MEGF9: variants seen among roughly 807,000 people sequenced by gnomAD.
MEGF9 encodes multiple epidermal growth factor-like domains protein 9.
In MEGF9, 6 loss-of-function variants were observed where a neutral mutation model predicts 46.8. That is an observed-to-expected ratio of 0.13 (90% CI 0.07 to 0.25). The LOEUF is 0.25. Ranked by LOEUF, MEGF9 falls within the 10% of genes least tolerant of loss-of-function variation. The probability of loss-of-function intolerance (pLI) is 1.00; values close to 1 mark genes in which losing one functional copy is unlikely to be tolerated. For synonymous variants in MEGF9, 302 were observed against 330.7 expected, an observed-to-expected ratio of 0.91 and a Z score of 0.94; for missense variants, 683 against 792.4, an observed-to-expected ratio of 0.86 and a Z score of 1.66.
rs115483550 is a variant in MEGF9 at position 120,696,228 on chromosome 9, G to T, written c.601+17530C>A. 2.2e-3 allele frequency among the ~76,000 whole-genome samples: 339 copies of T among 152,296 alleles called. 1 individual carries two copies. The highest frequency in any genetic ancestry group is 7.6e-3 in the African/African-American group (315 of 41,564). ...TTCAATCCTGATTGAATCAATAAAT[G>T]ATTTCTGTTGCTTAGAATTAAGACC... On this transcript the variant is annotated intron_variant, in intron 1 of 5. Coordinates refer to ENST00000373930, the MANE Select transcript of MEGF9 (RefSeq NM_001080497.3).
intron 2 of MEGF9, among the ~76,000 whole-genome samples, chr9:120,641,971 C>G (rs1029646631): frequency 6.6e-6 from 1 of 152,148 alleles, no homozygotes; most frequent in African/African-American, 2.4e-5. Flanking sequence ...TTCTCAATGC[C>G]TGGCTCCTGG....
intron 2 of MEGF9, among the ~76,000 whole-genome samples, chr9:120,648,203 A>G (rs1202540699): frequency 6.6e-6 from 1 of 151,844 alleles, no homozygotes; most frequent in Non-Finnish European, 1.5e-5. Flanking sequence ...ATATTCTTCA[A>G]TGGATAAACG....
intron 1 of MEGF9, among the ~76,000 whole-genome samples, chr9:120,694,954 G>A (rs1177897494): frequency 1.3e-5 from 2 of 151,118 alleles, no homozygotes; most frequent in African/African-American, 4.9e-5. Flanking sequence ...TACTATTTAG[G>A]GGTATTCACT....
intron 1 of MEGF9, among the ~76,000 whole-genome samples, chr9:120,660,755 G>A (rs1036311091): frequency 2.6e-5 from 4 of 152,208 alleles, no homozygotes; most frequent in African/African-American, 7.2e-5. Context: ...AGCAGTAACA[G>A]AGGACTTTGT....
intron 2 of MEGF9, among the ~76,000 whole-genome samples, chr9:120,634,430 C>T (rs1477290173): frequency 6.9e-6 from 1 of 144,566 alleles, no homozygotes; most frequent in Non-Finnish European, 1.5e-5. Flanking sequence ...TTTTGGTTTC[C>T]ATATGTGTGG....
intron 3 of MEGF9, among the ~76,000 whole-genome samples, chr9:120,617,599 A>G (rs956626306): frequency 1.3e-5 from 2 of 152,232 alleles, no homozygotes; most frequent in African/African-American, 4.8e-5. Flanking sequence ...AGGGATGAGA[A>G]GCCATTGGAG....
At chr9:120,711,293 C>T (rs2043951813) in intron 1 of MEGF9, among the ~76,000 whole-genome samples, 1 of 152,090 alleles carries the variant, frequency 6.6e-6, no homozygotes, top group Non-Finnish European at 1.5e-5. Context: ...CTGGAAAATG[C>T]AACTATTAAA....
At chr9:120,651,487 T>C (rs898790507) in intron 2 of MEGF9, among the ~76,000 whole-genome samples, 8 of 152,184 alleles carry the variant, frequency 5.3e-5, no homozygotes, top group Admixed American at 5.2e-4. Flanking sequence ...GCATTTTTTT[T>C]CCTGTACAAA....
intron 1 of MEGF9, chr9:120,689,810 CT>C (rs1564428616): frequency 1.1e-5 from 4 of 356,928 alleles, no homozygotes; most frequent in Admixed American, 1.0e-4. Flanking sequence ...CAGAGTTGTG[CT>C]TTATAACCAC....
rs189394358 is a variant in MEGF9 at position 120,643,246 on chromosome 9, T to C, written c.803+16128A>G. ...GCTATGAAAAAAAAAAAATCTGAGA[T>C]GGAAAAAGTCATGCTGATTTAATTT... On this transcript the variant is annotated intron_variant, in intron 2 of 5. Coordinates refer to ENST00000373930, the MANE Select transcript of MEGF9 (RefSeq NM_001080497.3). Among the ~76,000 whole-genome samples the C allele has an allele frequency of 8.6e-5, 13 of 151,454 alleles. No homozygotes were observed. In the East Asian group the frequency reaches 2.5e-3, roughly 29 times the overall value.
rs769570972 is a variant in MEGF9, at chr9:120,711,836, T to TACAC, written c.601+1921_601+1922insGTGT. 4.0e-3 allele frequency among the ~76,000 whole-genome samples: 228 copies of TACAC among 56,506 alleles called. 1 individual carries two copies. The highest frequency in any genetic ancestry group is 0.01 in the African/African-American group (215 of 21,078). 37.1% of individuals were successfully genotyped at this position (56,506 alleles called of 152,430 possible). Reference sequence around the variant, plus strand: ...AGTTTTCTCAAATGCTTTCTATACATACATACATACACACACACACACACA... The same window carrying TACAC: ...AGTTTTCTCAAATGCTTTCTATACATACACACATACATACACACACACACACACA... On this transcript the variant is annotated intron_variant, in intron 1 of 5. Transcript: ENST00000373930.
intron 1 of MEGF9, among the ~76,000 whole-genome samples, chr9:120,679,794 CG>C (rs2132332269): frequency 6.6e-6 from 1 of 152,032 alleles, no homozygotes; most frequent in Admixed American, 6.6e-5. Flanking sequence ...AAAAATTAGC[CG>C]GGTGTGGTGG....
chr9:120,637,465 G>A (rs2043582883), intron 2 of MEGF9, among the ~76,000 whole-genome samples: 2 of 149,638 alleles, frequency 1.3e-5, no homozygotes, highest in South Asian at 4.2e-4. Flanking sequence ...AAATTTTAAA[G>A]AATAAAGTAT....
intron 1 of MEGF9, among the ~76,000 whole-genome samples, chr9:120,712,376 G>A (rs567249641): frequency 1.3e-5 from 2 of 152,122 alleles, no homozygotes; most frequent in Non-Finnish European, 2.9e-5. Flanking sequence ...TCAGTGAGCC[G>A]CCTAAGCTTA....
intron 1 of MEGF9, among the ~76,000 whole-genome samples, chr9:120,679,398 C>T (rs2132332045): frequency 6.7e-6 from 1 of 149,576 alleles, no homozygotes; most frequent in South Asian, 2.1e-4. Flanking sequence ...ACCGCATGTT[C>T]TCACTCATAT....
At chr9:120,713,543 C>A (rs1265551111) in intron 1 of MEGF9, among the ~76,000 whole-genome samples, 2 of 152,194 alleles carry the variant, frequency 1.3e-5, no homozygotes, top group Non-Finnish European at 2.9e-5. Context: ...AGCAGCCACC[C>A]CCTCCCGAGG....
intron 1 of MEGF9, among the ~76,000 whole-genome samples, chr9:120,711,840 T>C (rs113900770): frequency 0.044 from 6,055 of 139,192 alleles, 418 homozygotes; most frequent in African/African-American, 0.16. Flanking sequence ...TATACATACA[T>C]ACATACACAC....
Position 120,658,197 on chromosome 9 carries a change from G to C in MEGF9, c.803+1177C>G, listed in dbSNP as rs1214951480. On this transcript the variant is annotated intron_variant, in intron 2 of 5. Coordinates refer to ENST00000373930, the MANE Select transcript of MEGF9 (RefSeq NM_001080497.3). ...AGACGGGGTTTCACTGTGCTGGCCA[G>C]GCTCATCTAGAACTCCTGGCCTCAA... Among the ~76,000 whole-genome samples the C allele has an allele frequency of 2.0e-5, 3 of 152,068 alleles. No individual in the cohort carries two copies. The East Asian group carries it at 5.8e-4, about 29-fold the overall frequency.
rs1451863004 is a variant in MEGF9, at chr9:120,603,962, T to G, written c.*1228A>C. ...CCCAAGTAATATGATGGCTTTTCTC[T>G]TGGAACTAAAATATTTCTATCCTTT... On this transcript the variant is annotated 3_prime_UTR_variant, in exon 6 of 6. Transcript: ENST00000373930. 5 of 152,672 alleles carry G rather than the reference T, an allele frequency of 3.3e-5. No individual in the cohort carries two copies. Among genetic ancestry groups the G allele is most frequent in the Admixed American group, 3.3e-4 (5 of 15,288 alleles). 9.5% of individuals were successfully genotyped at this position (152,672 alleles called of 1,614,324 possible). A position where few individuals can be genotyped will look rare whatever the true frequency, so the allele number is the denominator to read the frequency against.
Sources: gnomAD v4.1 joint callset for allele counts (sites outside exome capture counted in the v4.1 genomes callset) on GRCh38, gnomAD v4.1.1 for gene constraint, MANE v1.5 for transcripts, NCBI Gene and HGNC (gene_info 2026-07-23, HGNC 2026-07-21) for gene names.